Variants in DPY19L1 observed in about 807,000 individuals in gnomAD.
The protein encoded by DPY19L1 is protein C-mannosyl-transferase DPY19L1.
A neutral mutation model predicts 96.9 loss-of-function variants in DPY19L1; 35 were observed. The ratio of observed to expected loss-of-function variants is 0.36; its 90% CI spans 0.28 to 0.48. The LOEUF (loss-of-function observed/expected upper bound fraction) is 0.48. Among genes scored for constraint, DPY19L1 ranks in the 20% least tolerant of loss-of-function variants. DPY19L1 has a pLI of 0.99. For synonymous variants in DPY19L1, 205 were observed against 252.6 expected, an observed-to-expected ratio of 0.81 and a Z score of 1.79; for missense variants, 521 against 777.9, an observed-to-expected ratio of 0.67 and a Z score of 3.93.
chr7:34,989,614 C>T (rs544520776), intron 7 of DPY19L1, among the ~76,000 whole-genome samples: 3 of 148,166 alleles, frequency 2.0e-5, no homozygotes, highest in East Asian at 2.0e-4. Flanking sequence ...AAAAAAGACA[C>T]TGCCTCAAAA....
At chr7:34,961,260 C>T (rs750123591) in intron 10 of DPY19L1, among the ~76,000 whole-genome samples, 2 of 152,130 alleles carry the variant, frequency 1.3e-5, no homozygotes, top group Non-Finnish European at 2.9e-5. Context: ...TATAAAGTTA[C>T]TGTAATCAAG....
At chr7:35,037,800 G>A, upstream of DPY19L1, 3 of 1,217,254 alleles carry the variant, frequency 2.5e-6, no homozygotes, top group East Asian at 6.5e-5. Flanking sequence ...GACCCCTCTG[G>A]CGCCCGGCTA....
At chr7:34,936,456 AGTT>A (rs1456499046) in intron 21 of DPY19L1, among the ~76,000 whole-genome samples, 1 of 152,234 alleles carries the variant, frequency 6.6e-6, no homozygotes, top group Non-Finnish European at 1.5e-5. Context: ...AGTAACTTAC[AGTT>A]GTTTCAAGAG....
chr7:34,947,010 C>T (rs1356451786), intron 15 of DPY19L1, among the ~76,000 whole-genome samples: 2 of 152,212 alleles, frequency 1.3e-5, no homozygotes, highest in Non-Finnish European at 1.5e-5. Context: ...TAAGGTCTGT[C>T]GTCTCTTTTT....
At chr7:34,990,022 A>C (rs1250273836) in intron 6 of DPY19L1, 81 bp from the exon 7 acceptor site, 12 of 1,077,726 alleles carry the variant, frequency 1.1e-5, no homozygotes, top group Non-Finnish European at 1.5e-5. Context: ...TAATATCATA[A>C]CCACTGGTAT....
At chr7:35,004,404 A>AT (rs1491205159) in intron 6 of DPY19L1, among the ~76,000 whole-genome samples, 1 of 152,210 alleles carries the variant, frequency 6.6e-6, no homozygotes, top group African/African-American at 2.4e-5. Flanking sequence ...GGGTAAACAC[A>AT]TGAGTGGCAC....
At chr7:34,965,035 T>C (rs1392644716) in intron 10 of DPY19L1, among the ~76,000 whole-genome samples, 1 of 152,182 alleles carries the variant, frequency 6.6e-6, no homozygotes. Flanking sequence ...TAAGCTGCTA[T>C]ATATTGCTGT....
At chr7:35,027,026 C>T (rs766101173) in intron 1 of DPY19L1, among the ~76,000 whole-genome samples, 3 of 152,026 alleles carry the variant, frequency 2.0e-5, no homozygotes, top group African/African-American at 7.2e-5. Flanking sequence ...GAAACCCCAT[C>T]TCTACTAAAA....
intron 6 of DPY19L1, among the ~76,000 whole-genome samples, chr7:35,007,542 A>G (rs1293954692): frequency 6.6e-6 from 1 of 152,170 alleles, no homozygotes; most frequent in Non-Finnish European, 1.5e-5. Context: ...TTTTTACACC[A>G]AAACTACAGT....
intron 7 of DPY19L1, among the ~76,000 whole-genome samples, chr7:34,984,116 A>G (rs1237345509): frequency 6.6e-6 from 1 of 152,222 alleles, no homozygotes; most frequent in Non-Finnish European, 1.5e-5. Flanking sequence ...TCAAAAAATG[A>G]AGGCAAGATA....
At chr7:35,036,809 CGCGGCCAGGCCGGGCA>C in intron 1 of DPY19L1, among the ~76,000 whole-genome samples, 1 of 151,868 alleles carries the variant, frequency 6.6e-6, no homozygotes, top group East Asian at 2.0e-4. Flanking sequence ...ACCTGCTGCC[CGCGGCCAGGCCGGGCA>C]GCTGTTGATC....
chr7:35,016,464 G>A (rs1334820014), intron 3 of DPY19L1, among the ~76,000 whole-genome samples: 2 of 152,170 alleles, frequency 1.3e-5, no homozygotes, highest in East Asian at 1.9e-4. Context: ...TTTCCTCTAT[G>A]ATATACCTCA....
intron 4 of DPY19L1, 41 bp from the exon 5 acceptor site, chr7:35,011,491 A>G (rs766946868): frequency 3.2e-6 from 5 of 1,539,580 alleles, no homozygotes; most frequent in Non-Finnish European, 4.4e-6. Flanking sequence ...AAAATATACT[A>G]AACAATTTTC....
In DPY19L1 at chr7:34,941,891, G is replaced by T. The variant is rs1265772649; in HGVS notation, c.1570-7C>A. On this transcript the variant is annotated splice_polypyrimidine_tract_variant and splice_region_variant and intron_variant, in intron 17 of 21. Transcript: ENST00000638088. ...GCAATGCATGGTAAACCAGCTGAAA[G>T]AAAGAAGAAAATGTTTTTTACTCCT... 10 of 1,562,786 alleles carry T rather than the reference G, an allele frequency of 6.4e-6. No individual in the cohort carries two copies. The Admixed American group carries it at 8.9e-5, about 14-fold the overall frequency.
At chr7:34,973,198 TTC>T (rs1784762359) in intron 8 of DPY19L1, among the ~76,000 whole-genome samples, 1 of 152,142 alleles carries the variant, frequency 6.6e-6, no homozygotes, top group South Asian at 2.1e-4. Context: ...AGCCTTTACC[TTC>T]TTTCTGCTCA....
intron 1 of DPY19L1, among the ~76,000 whole-genome samples, chr7:35,036,303 T>A (rs944422932): frequency 9.2e-5 from 14 of 152,186 alleles, no homozygotes; most frequent in African/African-American, 2.7e-4. Flanking sequence ...CTAGTTGACT[T>A]AGAAAAATTA....
chr7:34,937,684 A>G (rs1168377564), intron 21 of DPY19L1, among the ~76,000 whole-genome samples: 2 of 152,208 alleles, frequency 1.3e-5, no homozygotes, highest in African/African-American at 2.4e-5. Flanking sequence ...CTGTACTCCC[A>G]GCACTTTGGG....
chr7:34,971,933 A>G (rs1784732294), intron 8 of DPY19L1, among the ~76,000 whole-genome samples: 1 of 152,218 alleles, frequency 6.6e-6, no homozygotes, highest in Non-Finnish European at 1.5e-5. Context: ...AAGATGACTA[A>G]TCACCTGGCC....
chr7:35,008,070 G>T (rs930593969), intron 6 of DPY19L1, among the ~76,000 whole-genome samples: 4 of 151,632 alleles, frequency 2.6e-5, no homozygotes, highest in African/African-American at 9.7e-5. Context: ...TTTGGCCTTT[G>T]TCTCTCCCTG....
Sources: gnomAD v4.1 joint callset for allele counts (sites outside exome capture counted in the v4.1 genomes callset) on GRCh38, gnomAD v4.1.1 for gene constraint, MANE v1.5 for transcripts, NCBI Gene and HGNC (gene_info 2026-07-23, HGNC 2026-07-21) for gene names.